CADPS: variants seen among roughly 807,000 people sequenced by gnomAD.
CADPS encodes calcium dependent secretion activator, also known as calcium-dependent secretion activator 1.
In CADPS, 57 loss-of-function variants were observed where a neutral mutation model predicts 167.3. That is an observed-to-expected ratio of 0.34 (90% CI 0.28 to 0.42). The LOEUF is 0.42. CADPS is among the 20% of genes least tolerant of loss of function. The pLI is 1.00. For missense variants in CADPS, 1,414 were observed against 1,738.1 expected (o/e 0.81, Z 3.32); for synonymous variants, 676 against 635.3 (o/e 1.06, Z -0.96).
Position 62,544,849 on chromosome 3 carries a change from C to T in CADPS, c.1966+5054G>A. On this transcript the variant is annotated intron_variant, in intron 11 of 29. Coordinates refer to ENST00000383710, the MANE Select transcript of CADPS (RefSeq NM_003716.4). This position sits in a 1 kb window ranked among gnomAD's most constrained non-coding sequence, Gnocchi z 4.4. ...TGCTAGCTATAGGGGAGCACTTACC[C>T]TTCAGTCCAGCTAGAAGTTAGCAGG... The T allele has an allele frequency of 8.0e-7, 1 of 1,246,542 alleles. No homozygotes were observed. Among genetic ancestry groups the T allele is most frequent in the Non-Finnish European group, 1.0e-6 (1 of 968,712 alleles). 77.2% of individuals were successfully genotyped at this position (1,246,542 alleles called of 1,614,324 possible).
chr3:62,407,540 A>T (rs942502838), intron 28 of CADPS, among the ~76,000 whole-genome samples: 4 of 152,118 alleles, frequency 2.6e-5, no homozygotes, highest in African/African-American at 9.7e-5. Context: ...ACCTCAAGGA[A>T]ATTACTTAAT....
intron 1 of CADPS, among the ~76,000 whole-genome samples, chr3:62,775,232 T>A (rs1388282511): frequency 1.4e-5 from 2 of 141,936 alleles, no homozygotes; most frequent in African/African-American, 5.2e-5. Flanking sequence ...TTTTTTTTTT[T>A]AGTAGAGATG....
Position 62,753,686 on chromosome 3 carries a change from T to C in CADPS, c.643A>G (p.Ile215Val), listed in dbSNP as rs201199713. 1.2e-6 allele frequency: 2 copies of C among 1,614,156 alleles called. No individual in the cohort carries two copies. Among genetic ancestry groups the C allele is most frequent in the East Asian group, 2.2e-5 (1 of 44,880 alleles). ...GGCAGGCTGCGCACTCTCTTCTCAA[T>C]GTGCTTCTTGAAGACCTCCCGGGAG... The part of the protein sequence containing the change: ...NDSREVFKKH[I>V]EKRVRSLPEI... The change falls in exon 3 of 30, where the codon ATT (isoleucine) becomes GTT (valine). Residue 215 changes from isoleucine (I) to valine (V), a missense_variant. By Grantham distance (29) the Ile-to-Val change is conservative (BLOSUM62 3). Around this residue, in one of 6 missense-constraint regions of CADPS, gnomAD observed 522 missense variants for 559.5 expected, o/e 0.93. Coordinates refer to ENST00000383710, the MANE Select transcript of CADPS (RefSeq NM_003716.4). This position sits in a 1 kb window ranked among gnomAD's most constrained non-coding sequence, Gnocchi z 4.6.
rs112606918 is a variant in CADPS at position 62,797,380 on chromosome 3, G to A, written c.442-31396C>T. ...TCCCAGCACTTTGCATGCAGTAGAC[G>A]CCCATAAAATATTTAATGAATAATG... On this transcript the variant is annotated intron_variant, in intron 1 of 29. Transcript: ENST00000383710. Among the ~76,000 whole-genome samples, 603 of 152,106 alleles carry A rather than the reference G, an allele frequency of 4.0e-3. 8 individuals are homozygous for A. Among genetic ancestry groups the A allele is most frequent in the African/African-American group, 0.013 (559 of 41,504 alleles).
At chr3:62,703,258 C>G (rs2081744555) in intron 3 of CADPS, among the ~76,000 whole-genome samples, 1 of 152,150 alleles carries the variant, frequency 6.6e-6, no homozygotes, top group African/African-American at 2.4e-5. Context: ...ATTCACATCT[C>G]TAGCTGAACG....
At chr3:62,475,584 GAAAA>G (rs34263556) in intron 23 of CADPS, among the ~76,000 whole-genome samples, 4 of 55,962 alleles carry the variant, frequency 7.1e-5, no homozygotes, top group South Asian at 1.0e-3. Context: ...CAGTTCTTAA[GAAAA>G]AAAAAAAAAA....
At chr3:62,533,862 T>C (rs1468400199) in intron 12 of CADPS, among the ~76,000 whole-genome samples, 1 of 152,222 alleles carries the variant, frequency 6.6e-6, no homozygotes, top group African/African-American at 2.4e-5. Flanking sequence ...ACTTCTTGTG[T>C]CCTGGTTTAG....
chr3:62,812,923 G>A (rs304228), intron 1 of CADPS, among the ~76,000 whole-genome samples: 5,860 of 152,064 alleles, frequency 0.039, 390 homozygotes, highest in African/African-American at 0.13. Context: ...TGTGGATGGC[G>A]GTTGATGGAT....
intron 10 of CADPS, among the ~76,000 whole-genome samples, chr3:62,551,371 A>T (rs1347358572): frequency 6.6e-6 from 1 of 152,192 alleles, no homozygotes; most frequent in African/African-American, 2.4e-5. Flanking sequence ...ACATTACCAG[A>T]ATTTGATCAC....
At chr3:62,794,778 T>TAAAAAAAAAAAAA (rs71126555) in intron 1 of CADPS, among the ~76,000 whole-genome samples, 1 of 99,930 alleles carries the variant, frequency 1.0e-5, no homozygotes, top group African/African-American at 5.0e-5. Flanking sequence ...CGCAAGGTGG[T>TAAAAAAAAAAAAA]AAAAAAAAAA....
chr3:62,713,793 C>T (rs887378324), intron 3 of CADPS, among the ~76,000 whole-genome samples: 13 of 152,140 alleles, frequency 8.5e-5, no homozygotes, highest in Non-Finnish European at 1.5e-5. Context: ...GATACTGTAA[C>T]CCAGCCCTGG....
intron 11 of CADPS, among the ~76,000 whole-genome samples, chr3:62,547,591 C>CACCG (rs1553906167): frequency 1.2e-5 from 1 of 83,710 alleles, no homozygotes; most frequent in Admixed American, 1.0e-4. Context: ...TTTACGCCCC[C>CACCG]CCCCCCCCGC....
intron 28 of CADPS, among the ~76,000 whole-genome samples, chr3:62,426,778 G>A (rs958675117): frequency 6.6e-6 from 1 of 151,950 alleles, no homozygotes; most frequent in Admixed American, 6.6e-5. Flanking sequence ...TTGAAAAGTT[G>A]ACAGGGCGGT....
chr3:62,506,456 T>C (rs2151434317), intron 17 of CADPS, among the ~76,000 whole-genome samples: 1 of 152,356 alleles, frequency 6.6e-6, no homozygotes, highest in East Asian at 1.9e-4. Flanking sequence ...CAAATTAATT[T>C]AAATTAAAGA....
rs1220197515 is a variant in CADPS at position 62,420,689 on chromosome 3, A to T, written c.3777+17415T>A. 6.6e-6 allele frequency among the ~76,000 whole-genome samples: 1 copy of T among 152,136 alleles called. No individual in the cohort carries two copies. The highest frequency in any genetic ancestry group is 1.5e-5 in the Non-Finnish European group (1 of 68,032). On this transcript the variant is annotated intron_variant, in intron 28 of 29. Transcript: ENST00000383710. This position sits in a 1 kb window ranked among gnomAD's most constrained non-coding sequence, Gnocchi z 4.1. ...CCCAGGAATGAGGAAAATAAAGACA[A>T]AGTGCTGCTTTTTAAAAGTTAACAT... is the stretch of plus-strand genomic sequence containing the variant.
intron 1 of CADPS, among the ~76,000 whole-genome samples, chr3:62,780,619 A>C (rs184328436): frequency 4.6e-4 from 70 of 152,316 alleles, no homozygotes; most frequent in African/African-American, 1.7e-3. Flanking sequence ...TAACTTGTAG[A>C]ATACTGATAA....
At chr3:62,436,301 C>T (rs1026468669) in intron 28 of CADPS, among the ~76,000 whole-genome samples, 1 of 152,138 alleles carries the variant, frequency 6.6e-6, no homozygotes, top group Admixed American at 6.5e-5. Flanking sequence ...TGGTTATTCA[C>T]ACACACTCAC....
Position 62,491,339 on chromosome 3 carries a change from T to C in CADPS, c.3026A>G (p.Lys1009Arg). Reference sequence around the variant, plus strand: ...ATGGTATCAAAAAAGGTTTCCTTACTTGACTGGTTCCCATGACTCCCGCTC... The same window carrying C: ...ATGGTATCAAAAAAGGTTTCCTTACCTGACTGGTTCCCATGACTCCCGCTC... ...GFERESWEPV[K>R]SLTSNLPNVN... Residue 1009 changes from lysine (K) to arginine (R), a missense_variant and splice_region_variant, in exon 21 of 30, where the codon AAG (lysine) becomes AGG (arginine). Lys to Arg is a conservative substitution (Grantham distance 26). This residue lies in a region of CADPS where 529 missense variants were observed against 629.6 expected (regional missense o/e 0.84). Coordinates refer to ENST00000383710, the MANE Select transcript of CADPS (RefSeq NM_003716.4). 1 of 1,613,670 alleles carries C rather than the reference T, an allele frequency of 6.2e-7. No individual in the cohort carries two copies.
At chr3:62,735,551 C>T (rs763980735) in intron 3 of CADPS, among the ~76,000 whole-genome samples, 3 of 152,102 alleles carry the variant, frequency 2.0e-5, no homozygotes, top group Non-Finnish European at 2.9e-5. Flanking sequence ...TAAGCCTGTG[C>T]TAGTATCCAT....
Sources: allele counts gnomAD v4.1 joint callset (sites outside exome capture counted in the v4.1 genomes callset), GRCh38; gene constraint gnomAD v4.1.1; regional missense constraint gnomAD v4.1.1; non-coding constraint Gnocchi (gnomAD v3.1); transcripts MANE v1.5; gene names NCBI Gene and HGNC (gene_info 2026-07-23, HGNC 2026-07-21).